PTPN3: variants seen among roughly 807,000 people sequenced by gnomAD.
PTPN3 encodes the protein protein tyrosine phosphatase non-receptor type 3.
In PTPN3, 96 loss-of-function variants were observed where a neutral mutation model predicts 132.7. That is an observed-to-expected ratio of 0.72 (90% CI 0.61 to 0.86). The LOEUF is 0.86. PTPN3 is among the 40% of genes least tolerant of loss of function. The probability of loss-of-function intolerance (pLI) is 0.00; values close to 1 mark genes in which losing one functional copy is unlikely to be tolerated. For synonymous variants in PTPN3, 398 were observed against 429.0 expected, an observed-to-expected ratio of 0.93 and a Z score of 0.89; for missense variants, 1,125 against 1,159.6, an observed-to-expected ratio of 0.97 and a Z score of 0.43.
At chr9:109,453,148 T>C (rs945168417) in intron 5 of PTPN3, among the ~76,000 whole-genome samples, 15 of 152,156 alleles carry the variant, frequency 9.9e-5, no homozygotes, top group African/African-American at 3.6e-4. Flanking sequence ...GTGTCTGCTA[T>C]AGTAGAGGGA....
intron 9 of PTPN3, among the ~76,000 whole-genome samples, chr9:109,436,654 C>T (rs1240919371): frequency 6.6e-6 from 1 of 151,960 alleles, no homozygotes; most frequent in Non-Finnish European, 1.5e-5. Flanking sequence ...TTCTAGTCCC[C>T]TAACCCTTCA....
chr9:109,511,009 T>C, the PTPN3 span, among the ~76,000 whole-genome samples: 158 of 152,316 alleles, frequency 1.0e-3, 1 homozygote, highest in African/African-American at 3.6e-3. Flanking sequence ...ATGTAATCAA[T>C]ATCAAACACA....
chr9:109,385,856 C>T (rs1406567889), intron 22 of PTPN3, among the ~76,000 whole-genome samples: 6 of 152,118 alleles, frequency 3.9e-5, no homozygotes, highest in Non-Finnish European at 5.9e-5. Context: ...CTGAGTGGGG[C>T]CTGTTTCTCA....
chr9:109,476,816 C>A (rs771383280), intron 1 of PTPN3, among the ~76,000 whole-genome samples: 7 of 152,224 alleles, frequency 4.6e-5, no homozygotes, highest in Non-Finnish European at 1.5e-5. Context: ...CACTCAACAC[C>A]AGCTCTGTGA....
intron 1 of PTPN3, among the ~76,000 whole-genome samples, chr9:109,468,662 G>A (rs1174588092): frequency 3.9e-5 from 6 of 152,166 alleles, no homozygotes; most frequent in Non-Finnish European, 7.3e-5. Context: ...CACCGCGCCC[G>A]GCTGTGAATA....
At chr9:109,532,825 G>T in the PTPN3 span, 1 of 902,150 alleles carries the variant, frequency 1.1e-6, no homozygotes, top group South Asian at 4.0e-5. Context: ...ATGATAAGTC[G>T]GAATTTACTC....
intron 12 of PTPN3, among the ~76,000 whole-genome samples, chr9:109,424,554 T>C (rs1490995948): frequency 6.6e-6 from 1 of 152,226 alleles, no homozygotes; most frequent in African/African-American, 2.4e-5. Flanking sequence ...TGCCTTTCGC[T>C]CCTGGAACCC....
intron 5 of PTPN3, chr9:109,451,064 A>C: frequency 8.2e-6 from 8 of 972,070 alleles, no homozygotes; most frequent in Non-Finnish European, 9.8e-6. Flanking sequence ...TTTTTAAAGC[A>C]TGTGAATTAA....
At chr9:109,515,198 A>AT in the PTPN3 span, among the ~76,000 whole-genome samples, 11 of 152,046 alleles carry the variant, frequency 7.2e-5, no homozygotes, top group African/African-American at 2.7e-4. Flanking sequence ...AATTTTTGAA[A>AT]TTTTTTTGTA....
chr9:109,427,552 C>T (rs1002364469), intron 11 of PTPN3, among the ~76,000 whole-genome samples: 2 of 152,204 alleles, frequency 1.3e-5, no homozygotes, highest in Admixed American at 6.5e-5. Flanking sequence ...ATTTGCTTTC[C>T]ACAAAGCACA....
chr9:109,457,050 A>G lies in PTPN3; in HGVS notation c.289+123T>C. 3 of 1,006,708 alleles carry G rather than the reference A, an allele frequency of 3.0e-6. No homozygotes were observed. The South Asian group carries it at 4.6e-5, about 16-fold the overall frequency. 62.4% of individuals were successfully genotyped at this position (1,006,708 alleles called of 1,614,324 possible). On this transcript the variant is annotated intron_variant, in intron 4 of 25. Transcript: ENST00000374541. ...CAGACAGGGAGAAGTCGGCTCACTC[A>G]TGACTCCTGGACACCCGGAACTACA...
At chr9:109,506,575 CCTCT>C in the PTPN3 span, among the ~76,000 whole-genome samples, 2 of 145,128 alleles carry the variant, frequency 1.4e-5, no homozygotes, top group Admixed American at 6.9e-5. Context: ...TTCCTTCCTT[CCTCT>C]CTCTCTCTTT....
chr9:109,535,380 C>G, the PTPN3 span, among the ~76,000 whole-genome samples: 1 of 152,180 alleles, frequency 6.6e-6, no homozygotes, highest in Non-Finnish European at 1.5e-5. Flanking sequence ...AGTTATGTTC[C>G]TGCTTAAAAA....
chr9:109,410,133 A>G, intron 15 of PTPN3, 57 bp from the exon 16 acceptor site: 5 of 1,613,748 alleles, frequency 3.1e-6, no homozygotes, highest in South Asian at 1.1e-5. Flanking sequence ...GCAGTTGGTG[A>G]TAAGATATTT....
chr9:109,529,311 C>T, the PTPN3 span, among the ~76,000 whole-genome samples: 3 of 152,240 alleles, frequency 2.0e-5, no homozygotes, highest in Non-Finnish European at 4.4e-5. Flanking sequence ...AATTCTCAGG[C>T]TCCACCACAG....
Position 109,379,629 on chromosome 9 carries a change from T to C in PTPN3, c.2669A>G (p.Gln890Arg). 6.2e-7 allele frequency: 1 copy of C among 1,613,974 alleles called. No homozygotes were observed. The highest frequency in any genetic ancestry group is 8.5e-7 in the Non-Finnish European group (1 of 1,179,838). The change falls in exon 26 of 26, where the codon CAG becomes CGG. Residue 890 changes from glutamine to arginine, a missense_variant. Gln to Arg is a conservative substitution (Grantham distance 43). Transcript: ENST00000374541. ...QRAMMVQTSS[Q>R]YKFVCEAILR... Reference sequence around the variant, plus strand: ...AATCGCTTCACACACAAACTTGTACTGGCTCTGGAAAAGAAAAAAATGCTG... The same window carrying C: ...AATCGCTTCACACACAAACTTGTACCGGCTCTGGAAAAGAAAAAAATGCTG...
the PTPN3 span, among the ~76,000 whole-genome samples, chr9:109,506,042 C>A: frequency 6.6e-6 from 1 of 152,108 alleles, no homozygotes; most frequent in East Asian, 1.9e-4. Flanking sequence ...TGAGCCACTG[C>A]GCCCGGCCCA....
chr9:109,471,671 C>CT (rs34232860), intron 1 of PTPN3, among the ~76,000 whole-genome samples: 86,798 of 147,232 alleles, frequency 0.59, 25,452 homozygotes, highest in African/African-American at 0.65. Flanking sequence ...ATGGAAGGCA[C>CT]TTTTTTTTTT....
intron 1 of PTPN3, among the ~76,000 whole-genome samples, chr9:109,472,085 G>T (rs1299157686): frequency 6.6e-6 from 1 of 152,228 alleles, no homozygotes; most frequent in African/African-American, 2.4e-5. Context: ...CATTGTTGAT[G>T]AAGTAACAGA....
Sources: allele counts gnomAD v4.1 joint callset (sites outside exome capture counted in the v4.1 genomes callset), GRCh38; gene constraint gnomAD v4.1.1; transcripts MANE v1.5; gene names NCBI Gene and HGNC (gene_info 2026-07-23, HGNC 2026-07-21).